The following IL18RAP variants were observed in gnomAD, a reference collection of about 807,000 sequenced individuals.
IL18RAP encodes the protein interleukin-18 receptor accessory protein.
A neutral mutation model predicts 58.1 loss-of-function variants in IL18RAP; 37 were observed. The ratio of observed to expected loss-of-function variants is 0.64; its 90% confidence interval spans 0.49 to 0.84. The LOEUF is 0.84. IL18RAP is among the 40% of genes least tolerant of loss of function. The pLI is 0.00. For synonymous variants in IL18RAP, 268 were observed against 257.5 expected, an observed-to-expected ratio of 1.04 and a Z score of -0.39; for missense variants, 667 against 704.8, an observed-to-expected ratio of 0.95 and a Z score of 0.61.
At position 102,443,333 on chromosome 2, in the gene IL18RAP, A is replaced by G. The variant is rs1325836230; in HGVS notation, c.920+10A>G. The G allele has an allele frequency of 6.2e-7, 1 of 1,610,798 alleles. No individual in the cohort carries two copies. Among genetic ancestry groups the G allele is most frequent in the South Asian group, 1.1e-5 (1 of 90,838 alleles). ...TACCTGAGGCGAAAAGGTAAGAAAA[A>G]AACTCACGGATTCTGTTCTCTGCAA... is the stretch of plus-strand genomic sequence containing the variant. On this transcript the variant is annotated intron_variant, in intron 6 of 9. Transcript: ENST00000687160.
intron 3 of IL18RAP, among the ~76,000 whole-genome samples, chr2:102,435,849 T>C (rs910254780): frequency 5.3e-5 from 8 of 152,022 alleles, no homozygotes; most frequent in Non-Finnish European, 8.8e-5. Context: ...CTTCATTTTT[T>C]TTTTTTTTTT....
chr2:102,424,902 G>A (rs774267046), intron 3 of IL18RAP, among the ~76,000 whole-genome samples: 5 of 152,184 alleles, frequency 3.3e-5, no homozygotes, highest in Non-Finnish European at 7.3e-5. Context: ...GTCTTGCACA[G>A]GTGAGATGGT....
In IL18RAP at chr2:102,424,101, T is replaced by A; in HGVS notation, c.361T>A (p.Ser121Thr). 1 of 1,613,542 alleles carries A rather than the reference T, an allele frequency of 6.2e-7. No homozygotes were observed. Among genetic ancestry groups the A allele is most frequent in the South Asian group, 1.1e-5 (1 of 91,070 alleles). The stretch of plus-strand genomic sequence containing the variant: ...CTTTTTGACCCCAGGGGTGAATAAT[T>A]CTGGGTCATATATTTGTAGACCCAA... The part of the protein sequence containing the change: ...LHFLTPGVNN[S>T]GSYICRPKMI... Residue 121 changes from serine to threonine, a missense_variant, in exon 2 of 10, where the codon TCT (serine) becomes ACT (threonine). Ser to Thr is a moderately conservative substitution (Grantham distance 58). Transcript: ENST00000687160.
At chr2:102,434,417 T>A (rs1682596389) in intron 3 of IL18RAP, 1 of 152,244 alleles carries the variant, frequency 6.6e-6, no homozygotes, top group South Asian at 2.1e-4. Flanking sequence ...TTTGTTGTTT[T>A]TAGTTCATTC....
intron 4 of IL18RAP, 97 bp downstream of exon 4, chr2:102,437,459 G>A (rs942952592): frequency 2.4e-6 from 3 of 1,241,520 alleles, no homozygotes; most frequent in East Asian, 4.8e-5. Flanking sequence ...GGAAAGAAAA[G>A]GATAGTCATA....
intron 3 of IL18RAP, chr2:102,434,692 A>C (rs1160851761): frequency 6.6e-6 from 1 of 152,224 alleles, no homozygotes; most frequent in Admixed American, 6.5e-5. Context: ...ATATCTGATC[A>C]TTCAGCTCAC....
At chr2:102,421,450 C>T (rs1681570955), upstream of IL18RAP, among the ~76,000 whole-genome samples, 2 of 152,110 alleles carry the variant, frequency 1.3e-5, no homozygotes, top group Non-Finnish European at 2.9e-5. Flanking sequence ...AATGAAATGC[C>T]CAGGCTTGCT....
chr2:102,437,166 G>A, intron 3 of IL18RAP, 46 bp from the exon 4 acceptor site: 2 of 1,566,158 alleles, frequency 1.3e-6, no homozygotes, highest in Non-Finnish European at 8.6e-7. Context: ...ATTTCATAAA[G>A]TTTTTCTGTG....
chr2:102,426,400 C>T (rs887943541), intron 3 of IL18RAP, among the ~76,000 whole-genome samples: 4 of 150,960 alleles, frequency 2.6e-5, no homozygotes, highest in South Asian at 2.1e-4. Context: ...TTTTAATTGG[C>T]GAATTAAGAA....
At chr2:102,424,509 G>A in intron 3 of IL18RAP, 95 bp downstream of exon 3, 2 of 1,122,352 alleles carry the variant, frequency 1.8e-6, no homozygotes, top group Non-Finnish European at 2.5e-6. Context: ...GAGAATCTGA[G>A]GTATACAGCT....
At chr2:102,437,451 A>G in intron 4 of IL18RAP, 89 bp downstream of exon 4, 1 of 1,308,058 alleles carries the variant, frequency 7.6e-7, no homozygotes, top group Non-Finnish European at 1.1e-6. Flanking sequence ...CCTCTTAGGG[A>G]AAGAAAAGGA....
chr2:102,444,260 C>T (rs553540771), intron 6 of IL18RAP, among the ~76,000 whole-genome samples: 1 of 152,264 alleles, frequency 6.6e-6, no homozygotes, highest in South Asian at 2.1e-4. Context: ...GTCATTGGGG[C>T]CCATCTTAAG....
At chr2:102,418,709 CA>C (rs1326128875), upstream of IL18RAP, 3 of 152,420 alleles carry the variant, frequency 2.0e-5, no homozygotes, top group East Asian at 5.6e-4. Flanking sequence ...TGGTCATTTA[CA>C]AAATAAGGTT....
At chr2:102,427,931 C>T (rs1682061648) in intron 3 of IL18RAP, among the ~76,000 whole-genome samples, 3 of 150,704 alleles carry the variant, frequency 2.0e-5, no homozygotes, top group Admixed American at 2.0e-4. Flanking sequence ...GTTTTCCTAA[C>T]ACCATTTATT....
rs1452221264 is a variant in IL18RAP, at chr2:102,437,338, G to A, written c.706G>A (p.Ala236Thr). 2 of 1,613,524 alleles carry A rather than the reference G, an allele frequency of 1.2e-6. No homozygotes were observed. Among genetic ancestry groups the A allele is most frequent in the Admixed American group, 3.3e-5 (2 of 59,916 alleles). The part of the protein sequence containing the change: ...SDTVSSWTVR[A>T]VVQVRTIVGD... Reference sequence around the variant, plus strand: ...TACTGTGAGTTCGTGGACAGTCAGAGCTGTTGTTCAAGTGAGAACCATTGG... The same window carrying A: ...TACTGTGAGTTCGTGGACAGTCAGAACTGTTGTTCAAGTGAGAACCATTGG... Residue 236 changes from alanine (A) to threonine (T), a missense_variant, in exon 4 of 10, where the codon GCT becomes ACT. Transcript: ENST00000687160.
rs778541727 is a variant in IL18RAP, at chr2:102,423,311, G to T, written c.34G>T (p.Val12Phe). 9 of 1,614,116 alleles carry T rather than the reference G, an allele frequency of 5.6e-6. No homozygotes were observed. In the Admixed American group the frequency reaches 1.3e-4, roughly 24 times the overall value. ...TTTGGGCTGGATATTTCTTTGGCTT[G>T]TTGCAGGAGAGCGAATTAAAGGATT... ...LCLGWIFLWL[V>F]AGERIKGFNI... Residue 12 changes from valine (V) to phenylalanine (F), a missense_variant, in exon 1 of 10, where the codon GTT (valine) becomes TTT (phenylalanine). Coordinates refer to ENST00000687160, the MANE Select transcript of IL18RAP (RefSeq NM_001393487.1).
Position 102,424,226 on chromosome 2 carries a change from C to T in IL18RAP, c.396-5C>T, listed in dbSNP as rs1294239280. 8 of 1,613,238 alleles carry T rather than the reference C, an allele frequency of 5.0e-6. No homozygotes were observed. In the East Asian group the frequency reaches 1.6e-4, roughly 31 times the overall value. The stretch of plus-strand genomic sequence containing the variant: ...TATGTTCACAGGATCTTGTTAATTT[C>T]CTAGGAGCCCCTATGATGTAGCCTG... On this transcript the variant is annotated splice_polypyrimidine_tract_variant and splice_region_variant and intron_variant, in intron 2 of 9. Coordinates refer to ENST00000687160, the MANE Select transcript of IL18RAP (RefSeq NM_001393487.1).
chr2:102,430,169 C>A (rs1187244141), intron 3 of IL18RAP, among the ~76,000 whole-genome samples: 1 of 151,952 alleles, frequency 6.6e-6, no homozygotes, highest in Non-Finnish European at 1.5e-5. Flanking sequence ...TATTGAGTTT[C>A]TTACTATTAT....
intron 7 of IL18RAP, 29 bp from the exon 8 acceptor site, chr2:102,447,041 G>A (rs757529679): frequency 1.2e-6 from 2 of 1,610,184 alleles, no homozygotes; most frequent in Non-Finnish European, 1.7e-6. Flanking sequence ...CTGCCTCTAT[G>A]TCTCTTCATA....
Sources: gnomAD v4.1 joint callset for allele counts (sites outside exome capture counted in the v4.1 genomes callset) on GRCh38, gnomAD v4.1.1 for gene constraint, MANE v1.5 for transcripts, NCBI Gene and HGNC (gene_info 2026-07-23, HGNC 2026-07-21) for gene names.